Variants in CREB5 observed in about 807,000 individuals in gnomAD.
CREB5 encodes cAMP responsive element binding protein 5.
CREB5 carries 19 observed loss-of-function variants against 57.1 expected under a neutral mutation model. That is an observed-to-expected ratio of 0.33 (90% CI 0.23 to 0.49). CREB5 has a LOEUF of 0.49. CREB5 is among the 20% of genes least tolerant of loss of function. CREB5 has a pLI of 0.99. For synonymous variants in CREB5, 238 were observed against 238.3 expected (o/e 1.00, Z 0.01); for missense variants, 579 against 671.6 (o/e 0.86, Z 1.52).
At chr7:28,664,516 T>C (rs1465963515) in intron 5 of CREB5, among the ~76,000 whole-genome samples, 2 of 152,234 alleles carry the variant, frequency 1.3e-5, no homozygotes, top group African/African-American at 2.4e-5. Context: ...CCCATTTTAT[T>C]CTTCTGACTT....
At chr7:28,672,542 G>C (rs981358958) in intron 5 of CREB5, among the ~76,000 whole-genome samples, 2 of 152,164 alleles carry the variant, frequency 1.3e-5, no homozygotes, top group South Asian at 2.1e-4. Flanking sequence ...GATAAACTCT[G>C]ATTGACAGAG....
chr7:28,488,494 A>G (rs1257828393), intron 2 of CREB5, among the ~76,000 whole-genome samples: 1 of 152,168 alleles, frequency 6.6e-6, no homozygotes, highest in Non-Finnish European at 1.5e-5. Context: ...TCTGCCCTTT[A>G]CTTCCTCCTG....
intron 7 of CREB5, among the ~76,000 whole-genome samples, chr7:28,750,289 C>T (rs1804907607): frequency 6.6e-6 from 1 of 152,076 alleles, no homozygotes; most frequent in Non-Finnish European, 1.5e-5. Flanking sequence ...CCCTTGGGGT[C>T]GTCACTGTCC....
At chr7:28,613,546 T>C (rs904472054) in intron 5 of CREB5, among the ~76,000 whole-genome samples, 1 of 152,240 alleles carries the variant, frequency 6.6e-6, no homozygotes, top group Non-Finnish European at 1.5e-5. Flanking sequence ...GATTGCGACC[T>C]TAGATTTGGG....
At chr7:28,642,160 T>A (rs1798684241) in intron 5 of CREB5, among the ~76,000 whole-genome samples, 1 of 152,218 alleles carries the variant, frequency 6.6e-6, no homozygotes, top group Non-Finnish European at 1.5e-5. Flanking sequence ...TCTTTTTTGC[T>A]ATAAAAAAAT....
intron 1 of CREB5, among the ~76,000 whole-genome samples, chr7:28,326,427 G>A (rs182127551): frequency 1.4e-4 from 22 of 152,252 alleles, no homozygotes; most frequent in Admixed American, 1.4e-3. Context: ...GCCCAGCACT[G>A]CTGGTTCACA....
At chr7:28,642,973 C>CATAT (rs144235192) in intron 5 of CREB5, among the ~76,000 whole-genome samples, 1 of 122,442 alleles carries the variant, frequency 8.2e-6, no homozygotes, top group Non-Finnish European at 1.7e-5. Context: ...CACACACACA[C>CATAT]ACACACACAC....
At chr7:28,551,732 C>T (rs1322260469) in intron 4 of CREB5, among the ~76,000 whole-genome samples, 1 of 152,150 alleles carries the variant, frequency 6.6e-6, no homozygotes, top group African/African-American at 2.4e-5. Flanking sequence ...TGTCTCAGGC[C>T]TCCCAGCTCT....
intron 4 of CREB5, among the ~76,000 whole-genome samples, chr7:28,566,373 G>A (rs1795477706): frequency 6.6e-6 from 1 of 152,208 alleles, no homozygotes; most frequent in African/African-American, 2.4e-5. Context: ...TGTTGAAGAA[G>A]AAAAGGCCAA....
intron 1 of CREB5, among the ~76,000 whole-genome samples, chr7:28,479,581 G>A (rs1031723304): frequency 2.0e-5 from 3 of 152,232 alleles, no homozygotes; most frequent in Non-Finnish European, 4.4e-5. Flanking sequence ...GAAGCAGAAT[G>A]TGTGAGGAAT....
chr7:28,576,726 C>T (rs1458863730), intron 5 of CREB5, among the ~76,000 whole-genome samples: 1 of 152,190 alleles, frequency 6.6e-6, no homozygotes, highest in Admixed American at 6.5e-5. Flanking sequence ...ATTCAACTTC[C>T]AGATTTGTTC....
At chr7:28,763,484 A>G (rs1161252197) in intron 7 of CREB5, among the ~76,000 whole-genome samples, 1 of 152,198 alleles carries the variant, frequency 6.6e-6, no homozygotes, top group Non-Finnish European at 1.5e-5. Context: ...CAACTTGTGA[A>G]GGTCCCCATG....
chr7:28,567,917 G>A (rs566358606), intron 4 of CREB5, among the ~76,000 whole-genome samples: 1 of 152,082 alleles, frequency 6.6e-6, no homozygotes. Context: ...ATGGCTTAGG[G>A]TGTGTGTTCT....
intron 7 of CREB5, among the ~76,000 whole-genome samples, chr7:28,780,253 C>T (rs572074802): frequency 4.6e-5 from 7 of 152,174 alleles, no homozygotes; most frequent in East Asian, 3.9e-4. Flanking sequence ...ACTAAGGAGA[C>T]GAAAGAAGCT....
At chr7:28,467,115 C>A (rs1790614811) in intron 1 of CREB5, among the ~76,000 whole-genome samples, 1 of 152,202 alleles carries the variant, frequency 6.6e-6, no homozygotes, top group Non-Finnish European at 1.5e-5. Context: ...CAGTGCCCAG[C>A]AGGCAGTGTA....
At chr7:28,439,851 T>C (rs573213530) in intron 1 of CREB5, among the ~76,000 whole-genome samples, 20 of 152,322 alleles carry the variant, frequency 1.3e-4, no homozygotes, top group African/African-American at 4.8e-4. Flanking sequence ...TGTGCCTGTG[T>C]GACCTGTAAT....
At chr7:28,364,707 C>G (rs2159722) in intron 1 of CREB5, among the ~76,000 whole-genome samples, 156 of 152,256 alleles carry the variant, frequency 1.0e-3, no homozygotes, top group African/African-American at 3.7e-3. Context: ...CTGCACCTAC[C>G]TTGCCAATAT....
intron 4 of CREB5, among the ~76,000 whole-genome samples, chr7:28,547,135 C>G (rs1794452473): frequency 6.6e-6 from 1 of 152,180 alleles, no homozygotes; most frequent in Non-Finnish European, 1.5e-5. Context: ...TATAGGGATG[C>G]TTTTTCAAGA....
At chr7:28,607,054 C>T (rs953611034) in intron 5 of CREB5, among the ~76,000 whole-genome samples, 2 of 152,134 alleles carry the variant, frequency 1.3e-5, no homozygotes, top group Admixed American at 6.6e-5. Flanking sequence ...ACCTATTCCT[C>T]CTATCTGGCT....
Sources: allele counts gnomAD v4.1 joint callset (sites outside exome capture counted in the v4.1 genomes callset), GRCh38; gene constraint gnomAD v4.1.1; transcripts MANE v1.5; gene names NCBI Gene and HGNC (gene_info 2026-07-23, HGNC 2026-07-21).